DVL3: variants seen among roughly 807,000 people sequenced by gnomAD.
DVL3 encodes dishevelled segment polarity protein 3, also known as segment polarity protein dishevelled homolog DVL-3.
In DVL3, 27 loss-of-function variants were observed where a neutral mutation model predicts 67.4. That is an observed-to-expected ratio of 0.40 (90% CI 0.30 to 0.55). DVL3 has a LOEUF of 0.55. Ranked by LOEUF, DVL3 falls within the 20% of genes least tolerant of loss-of-function variation. DVL3 has a pLI of 0.46. For synonymous variants in DVL3, 369 were observed against 396.8 expected, an observed-to-expected ratio of 0.93 and a Z score of 0.83; for missense variants, 819 against 1,021.5, an observed-to-expected ratio of 0.80 and a Z score of 2.70.
At position 184,170,427 on chromosome 3, in the gene DVL3, C is replaced by T. The variant is rs982157140; in HGVS notation, c.1823C>T (p.Thr608Ile). ...GGCAGCGGCAGCGAATCGGACCACA[C>T]CACACGCAGCAGCCTGCGGGGGCCG... The part of the protein sequence containing the change: ...SGGSGSESDH[T>I]TRSSLRGPRE... The change falls in exon 15 of 15, where the codon ACC becomes ATC. Residue 608 changes from threonine to isoleucine, a missense_variant. This residue lies in a region of DVL3 where 324 missense variants were observed against 331.3 expected (regional missense o/e 0.98). Transcript: ENST00000313143. This position sits in a 1 kb window ranked among gnomAD's most constrained non-coding sequence, Gnocchi z 6.5. The T allele has an allele frequency of 6.3e-7, 1 of 1,594,308 alleles. No homozygotes were observed. Among genetic ancestry groups the T allele is most frequent in the Admixed American group, 1.8e-5 (1 of 56,380 alleles).
rs1366176615 is a variant in DVL3, at chr3:184,163,616, C to T, written c.162-41C>T. On this transcript the variant is annotated intron_variant, in intron 1 of 14. Coordinates refer to ENST00000313143, the MANE Select transcript of DVL3 (RefSeq NM_004423.4). The surrounding 1 kb of genome is among the most constrained non-coding windows in gnomAD (Gnocchi z 4.5). ...TTGGGATTTGAGGATCCTCCATTTG[C>T]ACCCTAGAAGGTTCTCTGTGACATC... 5.1e-6 allele frequency: 8 copies of T among 1,581,534 alleles called. No homozygotes were observed. The highest frequency in any genetic ancestry group is 6.1e-6 in the Non-Finnish European group (7 of 1,150,524).
Position 184,170,762 on chromosome 3 carries a change from C to T in DVL3, c.*7C>T, listed in dbSNP as rs1714802520. On this transcript the variant is annotated 3_prime_UTR_variant, in exon 15 of 15. Coordinates refer to ENST00000313143, the MANE Select transcript of DVL3 (RefSeq NM_004423.4). This position sits in a 1 kb window ranked among gnomAD's most constrained non-coding sequence, Gnocchi z 6.5. ...CTTTGTGGATGTGATGTGAGCAGGGCCCCTCCCCCAGCTCCATTCCGCTCC... is the reference window on the plus strand; with the variant it reads ...CTTTGTGGATGTGATGTGAGCAGGGTCCCTCCCCCAGCTCCATTCCGCTCC... 1 of 1,612,658 alleles carries T rather than the reference C, an allele frequency of 6.2e-7. No homozygotes were observed. The highest frequency in any genetic ancestry group is 2.2e-5 in the East Asian group (1 of 44,856).
At position 184,165,530 on chromosome 3, in the gene DVL3, A is replaced by G. The variant is rs556584272; in HGVS notation, c.763+39A>G. Reference sequence around the variant, plus strand: ...AACAGCACTCTCAAGCACCTGCTATATGCCAGACACTGGGCAGACTTGAGT... The same window carrying G: ...AACAGCACTCTCAAGCACCTGCTATGTGCCAGACACTGGGCAGACTTGAGT... On this transcript the variant is annotated intron_variant, in intron 7 of 14. Coordinates refer to ENST00000313143, the MANE Select transcript of DVL3 (RefSeq NM_004423.4). This position sits in a 1 kb window ranked among gnomAD's most constrained non-coding sequence, Gnocchi z 4.1. 20 of 1,574,786 alleles carry G rather than the reference A, an allele frequency of 1.3e-5. No homozygotes were observed. In the South Asian group the frequency reaches 2.1e-4, roughly 17 times the overall value.
Position 184,171,077 on chromosome 3 carries a change from AG to A in DVL3, c.*323del, listed in dbSNP as rs2109024415. On this transcript the variant is annotated 3_prime_UTR_variant, in exon 15 of 15. Coordinates refer to ENST00000313143, the MANE Select transcript of DVL3 (RefSeq NM_004423.4). Reference sequence around the variant, plus strand: ...TCCCCTCTGCAACCCCCATTTTGGGAGTTGACCCCAGCAATGACCTTGGTGG... The same window carrying A: ...TCCCCTCTGCAACCCCCATTTTGGGATTGACCCCAGCAATGACCTTGGTGG... The A allele has an allele frequency of 1.6e-6, 2 of 1,255,826 alleles. No individual in the cohort carries two copies. Among genetic ancestry groups the A allele is most frequent in the South Asian group, 3.2e-5 (2 of 63,354 alleles). 77.8% of individuals were successfully genotyped at this position (1,255,826 alleles called of 1,614,324 possible).
intron 1 of DVL3, among the ~76,000 whole-genome samples, chr3:184,158,362 C>A (rs1714267872): frequency 6.6e-6 from 1 of 151,222 alleles, no homozygotes; most frequent in African/African-American, 2.4e-5. Flanking sequence ...AACTAGAGCA[C>A]AGAAAGCTTA....
rs1175234469 is a variant in DVL3, at chr3:184,167,649, A to C, written c.1268A>C (p.Glu423Ala). Reference sequence around the variant, plus strand: ...ATCGTAAAAGCCATGGCCTCCCCTGAATCAGGGTTGGAGGTCCGTGACCGC... The same window carrying C: ...ATCGTAAAAGCCATGGCCTCCCCTGCATCAGGGTTGGAGGTCCGTGACCGC... ...AAIVKAMASP[E>A]SGLEVRDRMW... Residue 423 changes from glutamate (E) to alanine (A), a missense_variant, in exon 12 of 15, where the codon GAA becomes GCA. By Grantham distance (107) the Glu-to-Ala change is moderately radical. Around this residue, in one of 3 missense-constraint regions of DVL3, gnomAD observed 110 missense variants for 203.4 expected, o/e 0.54. Transcript: ENST00000313143. This position sits in a 1 kb window ranked among gnomAD's most constrained non-coding sequence, Gnocchi z 4.6. The C allele has an allele frequency of 1.9e-6, 3 of 1,614,160 alleles. No individual in the cohort carries two copies. The highest frequency in any genetic ancestry group is 2.5e-6 in the Non-Finnish European group (3 of 1,180,024).
Position 184,171,129 on chromosome 3 carries a change from T to G in DVL3, c.*374T>G. ...CACGCTCACTCCCTCATTCTCTCGTTTCCCCTTTAGCTCCCTTTCACCATT... is the reference window on the plus strand; with the variant it reads ...CACGCTCACTCCCTCATTCTCTCGTGTCCCCTTTAGCTCCCTTTCACCATT... On this transcript the variant is annotated 3_prime_UTR_variant, in exon 15 of 15. Coordinates refer to ENST00000313143, the MANE Select transcript of DVL3 (RefSeq NM_004423.4). 1.7e-6 allele frequency: 2 copies of G among 1,185,014 alleles called. No homozygotes were observed. The highest frequency in any genetic ancestry group is 2.1e-6 in the Non-Finnish European group (2 of 945,764). 73.4% of individuals were successfully genotyped at this position (1,185,014 alleles called of 1,614,324 possible). A position where few individuals can be genotyped will look rare whatever the true frequency, so the allele number is the denominator to read the frequency against.
Position 184,167,022 on chromosome 3 carries a change from G to C in DVL3, c.1198+47G>C, listed in dbSNP as rs201458805. On this transcript the variant is annotated intron_variant, in intron 11 of 14. Transcript: ENST00000313143. This position sits in a 1 kb window ranked among gnomAD's most constrained non-coding sequence, Gnocchi z 4.6. ...CTGGGCCCAGCAGACAGGGCCAGGT[G>C]GGGGGACTGATGAGGGTCCATGTGG... 39 of 1,601,362 alleles carry C rather than the reference G, an allele frequency of 2.4e-5. No individual in the cohort carries two copies. The highest frequency in any genetic ancestry group is 1.1e-4 in the South Asian group (10 of 89,964).
Position 184,165,461 on chromosome 3 carries a change from C to T in DVL3, c.733C>T (p.Leu245Phe). 6.2e-7 allele frequency: 1 copy of T among 1,614,110 alleles called. No individual in the cohort carries two copies. The highest frequency in any genetic ancestry group is 8.5e-7 in the Non-Finnish European group (1 of 1,180,004). Residue 245 changes from leucine to phenylalanine, a missense_variant, in exon 7 of 15, where the codon CTC becomes TTC. This residue lies in a region of DVL3 where 385 missense variants were observed against 486.8 expected (regional missense o/e 0.79). Transcript: ENST00000313143. The surrounding 1 kb of genome is among the most constrained non-coding windows in gnomAD (Gnocchi z 4.1). ...FSSITDSTMS[L>F]NIITVTLNME... ...CAGCATCACGGACTCCACCATGTCACTCAACATCATCACGGTCACTCTCAA... is the reference window on the plus strand; with the variant it reads ...CAGCATCACGGACTCCACCATGTCATTCAACATCATCACGGTCACTCTCAA...
chr3:184,171,074 G>A lies in DVL3; in HGVS notation c.*319G>A. 1 of 1,259,296 alleles carries A rather than the reference G, an allele frequency of 7.9e-7. No homozygotes were observed. Among genetic ancestry groups the A allele is most frequent in the Non-Finnish European group, 1.0e-6 (1 of 989,866 alleles). 78.0% of individuals were successfully genotyped at this position (1,259,296 alleles called of 1,614,324 possible). On this transcript the variant is annotated 3_prime_UTR_variant, in exon 15 of 15. Transcript: ENST00000313143. ...TACTCCCCTCTGCAACCCCCATTTT[G>A]GGAGTTGACCCCAGCAATGACCTTG...
At chr3:184,169,162 T>G (rs1560120295) in intron 13 of DVL3, among the ~76,000 whole-genome samples, 1 of 152,188 alleles carries the variant, frequency 6.6e-6, no homozygotes, top group Non-Finnish European at 1.5e-5. Context: ...GGGTAACACT[T>G]TACCTAAATT....
rs778740365 is a variant in DVL3 at position 184,165,147 on chromosome 3, C to T, written c.634C>T (p.Arg212Cys). The change falls in exon 6 of 15, where the codon CGC becomes TGC. Residue 212 changes from arginine to cysteine, a missense_variant. Coordinates refer to ENST00000313143, the MANE Select transcript of DVL3 (RefSeq NM_004423.4). This position sits in a 1 kb window ranked among gnomAD's most constrained non-coding sequence, Gnocchi z 4.1. ...SSSTEQSSAS[R>C]LMRRHKRRRR... ...CTCCACAGAACAGAGCAGTGCCTCA[C>T]GCCTGATGAGAAGACACAAGCGGCG... 16 of 1,611,728 alleles carry T rather than the reference C, an allele frequency of 9.9e-6. No homozygotes were observed. The highest frequency in any genetic ancestry group is 6.7e-5 in the East Asian group (3 of 44,872).
chr3:184,156,767 G>A (rs1488672992), intron 1 of DVL3: 7 of 285,942 alleles, frequency 2.4e-5, no homozygotes, highest in Non-Finnish European at 4.2e-5. Context: ...GGAGGGGGAG[G>A]CGCCCACACT....
rs1560117472 is a variant in DVL3 at position 184,163,759 on chromosome 3, T to G, written c.231+33T>G. The stretch of plus-strand genomic sequence containing the variant: ...GCCCTCAGCCTTCCATCCACCTGCA[T>G]CCCTGTGCTGGGCTGGACGAGGGAA... On this transcript the variant is annotated intron_variant, in intron 2 of 14. Transcript: ENST00000313143. The surrounding 1 kb of genome is among the most constrained non-coding windows in gnomAD (Gnocchi z 4.5). 1 of 1,595,684 alleles carries G rather than the reference T, an allele frequency of 6.3e-7. No homozygotes were observed. Among genetic ancestry groups the G allele is most frequent in the Non-Finnish European group, 8.6e-7 (1 of 1,163,398 alleles).
In DVL3 at chr3:184,155,479, A is replaced by G. The variant is rs2109016596; in HGVS notation, c.-157A>G. 2 of 196,068 alleles carry G rather than the reference A, an allele frequency of 1.0e-5. No individual in the cohort carries two copies. Among genetic ancestry groups the G allele is most frequent in the Non-Finnish European group, 1.8e-5 (2 of 112,242 alleles). 12.1% of individuals were successfully genotyped at this position (196,068 alleles called of 1,614,324 possible). A position where few individuals can be genotyped will look rare whatever the true frequency, so the allele number is the denominator to read the frequency against. ...CGCGGCGGCGGCGGGCGGCGCTGGG[A>G]CCCGGTAGCGGCCGGAGAACAAGGG... On this transcript the variant is annotated 5_prime_UTR_variant, in exon 1 of 15. Transcript: ENST00000313143. The surrounding 1 kb of genome is among the most constrained non-coding windows in gnomAD (Gnocchi z 5.4).
At chr3:184,169,547 A>G (rs3792307) in intron 13 of DVL3, among the ~76,000 whole-genome samples, 4,902 of 152,240 alleles carry the variant, frequency 0.032, 180 homozygotes, top group African/African-American at 0.084. Context: ...ATACAAAAAA[A>G]AAAATTAGCC....
At chr3:184,160,682 C>T (rs973833924) in intron 1 of DVL3, among the ~76,000 whole-genome samples, 1 of 152,098 alleles carries the variant, frequency 6.6e-6, no homozygotes, top group Non-Finnish European at 1.5e-5. Context: ...TGTCGATGAC[C>T]CCCAGAAAGA....
Position 184,155,860 on chromosome 3 carries a change from G to T in DVL3, c.161+64G>T. 2.0e-6 allele frequency: 3 copies of T among 1,527,010 alleles called. No individual in the cohort carries two copies. Among genetic ancestry groups the T allele is most frequent in the Non-Finnish European group, 2.6e-6 (3 of 1,134,844 alleles). The allele number at this position is 1,527,010 out of a possible 1,614,324, so 94.6% of individuals were successfully genotyped here. ...CGCTCTGGCTTCTAAGGGATGACGCGGTCCGTTTCGACTTGCCTCGCTACA... is the reference window on the plus strand; with the variant it reads ...CGCTCTGGCTTCTAAGGGATGACGCTGTCCGTTTCGACTTGCCTCGCTACA... On this transcript the variant is annotated intron_variant, in intron 1 of 14. Coordinates refer to ENST00000313143, the MANE Select transcript of DVL3 (RefSeq NM_004423.4). The surrounding 1 kb of genome is among the most constrained non-coding windows in gnomAD (Gnocchi z 5.4).
In DVL3 at chr3:184,166,581, T is replaced by G. The variant is rs768538607; in HGVS notation, c.981-25T>G. On this transcript the variant is annotated intron_variant, in intron 9 of 14. Coordinates refer to ENST00000313143, the MANE Select transcript of DVL3 (RefSeq NM_004423.4). The surrounding 1 kb of genome is among the most constrained non-coding windows in gnomAD (Gnocchi z 6.7). ...TGGTCTGGCCTATACGCATCCTGCC[T>G]TCACTAGGACACCCTTGTTTTCAGG... The G allele has an allele frequency of 6.2e-7, 1 of 1,614,176 alleles. No homozygotes were observed. The highest frequency in any genetic ancestry group is 1.1e-5 in the South Asian group (1 of 91,076).
Sources: allele counts gnomAD v4.1 joint callset (sites outside exome capture counted in the v4.1 genomes callset), GRCh38; gene constraint gnomAD v4.1.1; regional missense constraint gnomAD v4.1.1; non-coding constraint Gnocchi (gnomAD v3.1); transcripts MANE v1.5; gene names NCBI Gene and HGNC (gene_info 2026-07-23, HGNC 2026-07-21).